The following RTN1 variants were observed in gnomAD, a reference collection of about 807,000 sequenced individuals.
The protein encoded by RTN1 is reticulon-1.
A neutral mutation model predicts 65.5 loss-of-function variants in RTN1; 25 were observed. The ratio of observed to expected loss-of-function variants is 0.38; its 90% CI spans 0.28 to 0.53. The LOEUF is 0.53. Ranked by LOEUF, RTN1 falls within the 20% of genes least tolerant of loss-of-function variation. The pLI, the probability that RTN1 is intolerant of heterozygous loss-of-function variation, is 0.79. For synonymous variants in RTN1, 471 were observed against 447.6 expected, an observed-to-expected ratio of 1.05 and a Z score of -0.66; for missense variants, 983 against 1,025.4, an observed-to-expected ratio of 0.96 and a Z score of 0.57.
chr14:59,599,594 C>T (rs1881515532), intron 8 of RTN1, among the ~76,000 whole-genome samples: 1 of 152,170 alleles, frequency 6.6e-6, no homozygotes, highest in Non-Finnish European at 1.5e-5. Context: ...TCATACATCT[C>T]CATTTTTTTC....
At chr14:59,684,738 C>T (rs11626406) in intron 3 of RTN1, among the ~76,000 whole-genome samples, 97,059 of 151,840 alleles carry the variant, frequency 0.64, 32,620 homozygotes, top group Non-Finnish European at 0.74. Context: ...AATAAAGTTG[C>T]AAAGTTTAAA....
At chr14:59,792,317 C>T (rs1886363053) in intron 1 of RTN1, among the ~76,000 whole-genome samples, 2 of 150,956 alleles carry the variant, frequency 1.3e-5, no homozygotes, top group Non-Finnish European at 2.9e-5. Flanking sequence ...ATAGTGAAAA[C>T]ATCAGAGTAT....
intron 1 of RTN1, among the ~76,000 whole-genome samples, chr14:59,839,862 A>G (rs1887280022): frequency 6.6e-6 from 1 of 152,110 alleles, no homozygotes; most frequent in African/African-American, 2.4e-5. Context: ...TGTTTTTAGT[A>G]TTACACATAC....
intron 1 of RTN1, among the ~76,000 whole-genome samples, chr14:59,751,319 CAA>C (rs1348053453): frequency 1.4e-5 from 2 of 141,152 alleles, no homozygotes; most frequent in Non-Finnish European, 3.0e-5. Context: ...GAACACCAAA[CAA>C]AAAAACTATT....
At chr14:59,716,398 T>A (rs1884534478) in intron 3 of RTN1, among the ~76,000 whole-genome samples, 1 of 152,216 alleles carries the variant, frequency 6.6e-6, no homozygotes, top group Non-Finnish European at 1.5e-5. Context: ...AAAGCACAGT[T>A]CATAAATTCT....
chr14:59,864,906 AT>A (rs5809053), intron 1 of RTN1, among the ~76,000 whole-genome samples: 2 of 151,932 alleles, frequency 1.3e-5, no homozygotes, highest in African/African-American at 2.4e-5. Context: ...TAAAATCAAG[AT>A]TTTTTTCATC....
intron 1 of RTN1, among the ~76,000 whole-genome samples, chr14:59,855,296 A>G (rs1887584590): frequency 6.6e-6 from 1 of 152,144 alleles, no homozygotes; most frequent in Non-Finnish European, 1.5e-5. Context: ...CAAATTCACT[A>G]ACATTTTCTT....
At chr14:59,840,019 C>G (rs918310809) in intron 1 of RTN1, among the ~76,000 whole-genome samples, 2 of 152,006 alleles carry the variant, frequency 1.3e-5, no homozygotes, top group African/African-American at 2.4e-5. Context: ...CTTTTCCAGA[C>G]AGATTTCCAG....
At chr14:59,804,307 T>C (rs1886598240) in intron 1 of RTN1, among the ~76,000 whole-genome samples, 1 of 152,082 alleles carries the variant, frequency 6.6e-6, no homozygotes, top group Non-Finnish European at 1.5e-5. Context: ...GATGTACATA[T>C]GGGGGATGAA....
chr14:59,672,470 A>C (rs1021539960), intron 3 of RTN1, among the ~76,000 whole-genome samples: 1 of 152,162 alleles, frequency 6.6e-6, no homozygotes. Context: ...AATAATCCAC[A>C]TAAAGGACAC....
At chr14:59,688,315 T>C (rs1883889791) in intron 3 of RTN1, among the ~76,000 whole-genome samples, 1 of 152,184 alleles carries the variant, frequency 6.6e-6, no homozygotes, top group Non-Finnish European at 1.5e-5. Flanking sequence ...CCCACCACCA[T>C]GCAGAGACCT....
At chr14:59,642,318 G>A (rs147781117) in intron 3 of RTN1, among the ~76,000 whole-genome samples, 2 of 151,910 alleles carry the variant, frequency 1.3e-5, no homozygotes, top group East Asian at 3.9e-4. Flanking sequence ...ATTCCTTTTG[G>A]GTTTACTGAG....
rs1238357015 is a variant in RTN1 at position 59,849,359 on chromosome 14, C to CT, written c.241+21030_241+21031insA. Among the ~76,000 whole-genome samples the CT allele has an allele frequency of 1.3e-5, 2 of 152,126 alleles. No homozygotes were observed. Among genetic ancestry groups the CT allele is most frequent in the Non-Finnish European group, 2.9e-5 (2 of 68,028 alleles). On this transcript the variant is annotated intron_variant, in intron 1 of 8. Transcript: ENST00000267484. This position sits in a 1 kb window ranked among gnomAD's most constrained non-coding sequence, Gnocchi z 4.5. ...TATAGAGTACATTTTCATATTTGAG[C>CT]ATGGTAAAAGAAAAACCAATTAACT... is the stretch of plus-strand genomic sequence containing the variant.
chr14:59,812,471 T>C (rs901768271), intron 1 of RTN1, among the ~76,000 whole-genome samples: 1 of 152,186 alleles, frequency 6.6e-6, no homozygotes, highest in Non-Finnish European at 1.5e-5. Flanking sequence ...TAGGTTATTA[T>C]GTAATGGTGA....
At chr14:59,795,200 T>C (rs753711794) in intron 1 of RTN1, among the ~76,000 whole-genome samples, 4 of 152,228 alleles carry the variant, frequency 2.6e-5, no homozygotes, top group Non-Finnish European at 4.4e-5. Context: ...AGGACAAAAC[T>C]GGAATTTGTC....
At chr14:59,758,359 G>T (rs1885681490) in intron 1 of RTN1, among the ~76,000 whole-genome samples, 1 of 152,022 alleles carries the variant, frequency 6.6e-6, no homozygotes, top group African/African-American at 2.4e-5. Context: ...GACCATCTTT[G>T]CCCATCCCTT....
chr14:59,608,741 C>G (rs2140165377), intron 3 of RTN1, among the ~76,000 whole-genome samples: 1 of 152,236 alleles, frequency 6.6e-6, no homozygotes, highest in African/African-American at 2.4e-5. Flanking sequence ...AGAAAGACTC[C>G]AGTAGGCAGA....
At chr14:59,609,581 C>T (rs576753834) in intron 3 of RTN1, among the ~76,000 whole-genome samples, 6 of 152,260 alleles carry the variant, frequency 3.9e-5, no homozygotes, top group African/African-American at 9.6e-5. Context: ...TCCACAGAAG[C>T]CCAGCAGCTC....
intron 1 of RTN1, among the ~76,000 whole-genome samples, chr14:59,764,422 G>A (rs1191742234): frequency 1.3e-5 from 2 of 151,796 alleles, no homozygotes; most frequent in Non-Finnish European, 2.9e-5. Context: ...CTAGGTTCAA[G>A]CAGTTCTCCT....
Sources: gnomAD v4.1 joint callset for allele counts (sites outside exome capture counted in the v4.1 genomes callset) on GRCh38, gnomAD v4.1.1 for gene constraint, Gnocchi (gnomAD v3.1) non-coding constraint, MANE v1.5 for transcripts, NCBI Gene and HGNC (gene_info 2026-07-23, HGNC 2026-07-21) for gene names.